Variants in PTPRD observed in about 807,000 individuals in gnomAD.
PTPRD encodes the protein receptor-type tyrosine-protein phosphatase delta.
In PTPRD, 34 loss-of-function variants were observed where a neutral mutation model predicts 214.5. The observed-to-expected ratio is 0.16, with a 90% confidence interval of 0.12 to 0.21. The LOEUF is 0.21. PTPRD is among the 10% of genes least tolerant of loss of function. PTPRD has a pLI of 1.00. For missense variants in PTPRD, 2,545 were observed against 2,398.7 expected (o/e 1.06, Z -1.27); for synonymous variants, 1,128 against 845.7 (o/e 1.33, Z -5.79).
At chr9:9,023,775 G>A (rs138845604) in intron 10 of PTPRD, among the ~76,000 whole-genome samples, 2 of 151,846 alleles carry the variant, frequency 1.3e-5, no homozygotes, top group South Asian at 2.1e-4. Flanking sequence ...TTTCTTGTTC[G>A]TGAGTTAGTC....
intron 8 of PTPRD, among the ~76,000 whole-genome samples, chr9:9,444,688 A>G (rs1487293180): frequency 6.6e-6 from 1 of 152,218 alleles, no homozygotes; most frequent in Non-Finnish European, 1.5e-5. Context: ...GGTAATAAAA[A>G]GAACAACCTT....
At chr9:9,588,806 A>G (rs1197844722) in intron 7 of PTPRD, among the ~76,000 whole-genome samples, 1 of 151,960 alleles carries the variant, frequency 6.6e-6, no homozygotes, top group Non-Finnish European at 1.5e-5. Context: ...ATTTTAGCTG[A>G]GTATAATGAG....
At chr9:9,760,195 T>A (rs1204562591) in intron 6 of PTPRD, among the ~76,000 whole-genome samples, 1 of 152,112 alleles carries the variant, frequency 6.6e-6, no homozygotes, top group East Asian at 1.9e-4. Flanking sequence ...TCTCCCCGGG[T>A]CTATGCCACA....
intron 7 of PTPRD, among the ~76,000 whole-genome samples, chr9:9,711,689 G>C (rs927945411): frequency 5.9e-5 from 9 of 152,116 alleles, no homozygotes; most frequent in African/African-American, 2.2e-4. Flanking sequence ...ATCAGAACTG[G>C]CTAGTTACTA....
intron 4 of PTPRD, among the ~76,000 whole-genome samples, chr9:9,965,973 G>A (rs1448364280): frequency 6.6e-6 from 1 of 152,106 alleles, no homozygotes; most frequent in Non-Finnish European, 1.5e-5. Flanking sequence ...GTTTGCTTTT[G>A]AGTATATTGC....
chr9:9,243,293 G>C (rs898418714), intron 9 of PTPRD, among the ~76,000 whole-genome samples: 1 of 152,066 alleles, frequency 6.6e-6, no homozygotes, highest in Non-Finnish European at 1.5e-5. Flanking sequence ...CATTTTATGA[G>C]GTCAGCATCA....
intron 35 of PTPRD, among the ~76,000 whole-genome samples, chr9:8,434,765 T>C (rs1428680977): frequency 1.3e-5 from 2 of 151,550 alleles, no homozygotes; most frequent in Non-Finnish European, 2.9e-5. Context: ...TAACTAAGAG[T>C]TTTTTATGGT....
chr9:9,660,582 A>C (rs1594544718), intron 7 of PTPRD, among the ~76,000 whole-genome samples: 1 of 152,122 alleles, frequency 6.6e-6, no homozygotes, highest in East Asian at 1.9e-4. Flanking sequence ...GTGTTCAGAA[A>C]CTGAGAGTTG....
chr9:9,740,569 G>C (rs937514316), intron 6 of PTPRD, among the ~76,000 whole-genome samples: 2 of 152,006 alleles, frequency 1.3e-5, no homozygotes, highest in Admixed American at 6.6e-5. Context: ...CACCGTGTTA[G>C]CCAGGATGGT....
In PTPRD at chr9:9,500,612, C is replaced by G. The variant is rs1053828784; in HGVS notation, c.-237+74120G>C. Among the ~76,000 whole-genome samples, 3 of 151,792 alleles carry G rather than the reference C, an allele frequency of 2.0e-5. No homozygotes were observed. In the East Asian group the frequency reaches 5.8e-4, roughly 29 times the overall value. On this transcript the variant is annotated intron_variant, in intron 8 of 45. Transcript: ENST00000381196. Reference sequence around the variant, plus strand: ...GAACACTGGGCTGTATATAAACAGACTTGTACTAAAGAAATATTAAAGGAA... The same window carrying G: ...GAACACTGGGCTGTATATAAACAGAGTTGTACTAAAGAAATATTAAAGGAA...
At chr9:9,935,445 G>C (rs1211030493) in intron 5 of PTPRD, among the ~76,000 whole-genome samples, 2 of 151,784 alleles carry the variant, frequency 1.3e-5, no homozygotes, top group African/African-American at 4.8e-5. Flanking sequence ...GACAAACAGA[G>C]AGCCAAATCA....
chr9:8,996,251 T>C (rs1036383618), intron 11 of PTPRD, among the ~76,000 whole-genome samples: 2 of 152,054 alleles, frequency 1.3e-5, no homozygotes, highest in African/African-American at 2.4e-5. Context: ...AAGTGAATTG[T>C]GGTACATCCA....
chr9:9,796,061 T>A (rs1304104380), intron 5 of PTPRD, among the ~76,000 whole-genome samples: 2 of 152,110 alleles, frequency 1.3e-5, no homozygotes, highest in Non-Finnish European at 2.9e-5. Flanking sequence ...ATTTTTCAGT[T>A]TTTTTAATAT....
intron 9 of PTPRD, among the ~76,000 whole-genome samples, chr9:9,280,495 G>A (rs964777696): frequency 1.3e-5 from 2 of 151,108 alleles, no homozygotes; most frequent in African/African-American, 4.8e-5. Context: ...ATGAAAAAGT[G>A]GAATTTGAGA....
chr9:9,764,030 T>C (rs1174583), intron 6 of PTPRD, among the ~76,000 whole-genome samples: 1 of 152,002 alleles, frequency 6.6e-6, no homozygotes, highest in East Asian at 1.9e-4. Context: ...CCCCCATTCC[T>C]TGAGCACCTC....
chr9:10,333,748 T>G (rs777361124), intron 3 of PTPRD, among the ~76,000 whole-genome samples: 119 of 151,950 alleles, frequency 7.8e-4, no homozygotes, highest in Non-Finnish European at 1.3e-3. Flanking sequence ...AGAAGCACAG[T>G]GCTGTTAGAA....
intron 5 of PTPRD, among the ~76,000 whole-genome samples, chr9:9,809,263 G>T (rs1261230999): frequency 1.4e-5 from 2 of 138,654 alleles, no homozygotes; most frequent in African/African-American, 2.7e-5. Context: ...AGCCACAAGA[G>T]ATTTTTTTTT....
intron 11 of PTPRD, among the ~76,000 whole-genome samples, chr9:8,772,399 G>C (rs1305204302): frequency 1.3e-5 from 1 of 74,666 alleles, no homozygotes; most frequent in Non-Finnish European, 3.0e-5. Flanking sequence ...ACATAAAGAA[G>C]TACAGTTAAA....
chr9:9,996,351 T>A (rs2096122113), intron 4 of PTPRD, among the ~76,000 whole-genome samples: 1 of 152,056 alleles, frequency 6.6e-6, no homozygotes, highest in African/African-American at 2.4e-5. Flanking sequence ...CCATAGTGAA[T>A]TAGGATATTA....
Sources: allele counts gnomAD v4.1 joint callset (sites outside exome capture counted in the v4.1 genomes callset), GRCh38; gene constraint gnomAD v4.1.1; transcripts MANE v1.5; gene names NCBI Gene and HGNC (gene_info 2026-07-23, HGNC 2026-07-21).